Variants in ENTREP2 observed in about 807,000 individuals in gnomAD.
ENTREP2 encodes the protein endosomal transmembrane epsin interactor 2.
the ENTREP2 span, chr15:29,269,044 T>C: frequency 6.2e-7 from 1 of 1,614,122 alleles, no homozygotes; most frequent in Non-Finnish European, 8.5e-7. Context: ...AGTAATGAGT[T>C]TCTTTGGATC....
chr15:29,623,456 G>T, the ENTREP2 span, among the ~76,000 whole-genome samples: 65 of 152,326 alleles, frequency 4.3e-4, 1 homozygote, highest in African/African-American at 1.4e-3. Context: ...TAGACACAGA[G>T]TTAGGTTTTG....
At chr15:29,498,693 CTAATGTTTCCT>C in the ENTREP2 span, among the ~76,000 whole-genome samples, 1 of 152,028 alleles carries the variant, frequency 6.6e-6, no homozygotes, top group East Asian at 1.9e-4. Context: ...AGTGTAAAAT[CTAATGTTTCCT>C]TACTGATTTT....
At chr15:29,443,242 A>AG in the ENTREP2 span, among the ~76,000 whole-genome samples, 2 of 152,138 alleles carry the variant, frequency 1.3e-5, no homozygotes, top group East Asian at 3.9e-4. Context: ...AGCCAAAAGG[A>AG]GGGGCCCTAC....
the ENTREP2 span, among the ~76,000 whole-genome samples, chr15:29,509,319 AT>A: frequency 2.0e-5 from 3 of 152,304 alleles, no homozygotes; most frequent in Admixed American, 2.0e-4. Flanking sequence ...GAAAATGGCC[AT>A]TTTGCCCAAA....
the ENTREP2 span, among the ~76,000 whole-genome samples, chr15:29,464,030 G>GA: frequency 1.3e-5 from 2 of 152,128 alleles, no homozygotes; most frequent in African/African-American, 4.8e-5. Context: ...ATGGAAAGGA[G>GA]AATAGGGGTT....
At chr15:29,175,635 C>T in the ENTREP2 span, among the ~76,000 whole-genome samples, 1 of 152,246 alleles carries the variant, frequency 6.6e-6, no homozygotes, top group Non-Finnish European at 1.5e-5. Flanking sequence ...GACGGAGTCT[C>T]ACTCTGTCAC....
chr15:29,320,256 T>G, the ENTREP2 span, among the ~76,000 whole-genome samples: 2 of 151,928 alleles, frequency 1.3e-5, no homozygotes, highest in Non-Finnish European at 2.9e-5. Flanking sequence ...TACCACAAAT[T>G]ACAGTTGAAG....
At chr15:29,470,261 G>A in the ENTREP2 span, among the ~76,000 whole-genome samples, 1 of 152,212 alleles carries the variant, frequency 6.6e-6, no homozygotes, top group African/African-American at 2.4e-5. Context: ...TTCTATGTGT[G>A]GTTGAGCATC....
At chr15:29,197,207 T>C in the ENTREP2 span, among the ~76,000 whole-genome samples, 6 of 152,110 alleles carry the variant, frequency 3.9e-5, no homozygotes, top group Non-Finnish European at 7.4e-5. Flanking sequence ...TAAAAAGCAG[T>C]GTTAGACGAA....
the ENTREP2 span, among the ~76,000 whole-genome samples, chr15:29,621,070 G>A: frequency 6.6e-6 from 1 of 152,020 alleles, no homozygotes; most frequent in Non-Finnish European, 1.5e-5. Context: ...GAGAAATGGC[G>A]CTGGCAGTAG....
the ENTREP2 span, among the ~76,000 whole-genome samples, chr15:29,280,601 G>A: frequency 6.6e-6 from 1 of 152,124 alleles, no homozygotes; most frequent in Non-Finnish European, 1.5e-5. Context: ...TCAGCACCTG[G>A]GTTATGAAAG....
chr15:29,268,867 G>A, the ENTREP2 span: 7 of 1,614,022 alleles, frequency 4.3e-6, no homozygotes, highest in Admixed American at 3.3e-5. Flanking sequence ...ACAGTACTGC[G>A]CTGGCCAGTC....
the ENTREP2 span, among the ~76,000 whole-genome samples, chr15:29,398,164 T>C: frequency 2.0e-5 from 3 of 148,854 alleles, no homozygotes; most frequent in African/African-American, 7.5e-5. Context: ...CTACTACACA[T>C]ACTAGATATA....
chr15:29,380,416 C>G, the ENTREP2 span, among the ~76,000 whole-genome samples: 117 of 152,202 alleles, frequency 7.7e-4, no homozygotes, highest in Middle Eastern at 3.4e-3. Context: ...CAAGTCTAAT[C>G]ACTTAAAGAG....
chr15:29,317,247 A>T, the ENTREP2 span, among the ~76,000 whole-genome samples: 3 of 152,230 alleles, frequency 2.0e-5, no homozygotes, highest in East Asian at 5.8e-4. Context: ...TATAACTATT[A>T]CCATAAATAA....
chr15:29,477,202 G>A, the ENTREP2 span, among the ~76,000 whole-genome samples: 3 of 152,076 alleles, frequency 2.0e-5, no homozygotes, highest in East Asian at 1.9e-4. Flanking sequence ...TCAAAAGCAA[G>A]AAAAATTAAT....
At chr15:29,364,586 A>T in the ENTREP2 span, among the ~76,000 whole-genome samples, 1 of 152,226 alleles carries the variant, frequency 6.6e-6, no homozygotes, top group Non-Finnish European at 1.5e-5. Flanking sequence ...TGAAAGGCAG[A>T]ACACTTACTC....
At chr15:29,610,650 G>A in the ENTREP2 span, 1 of 150,468 alleles carries the variant, frequency 6.6e-6, no homozygotes, top group Non-Finnish European at 1.5e-5. Context: ...AATAAAGGCA[G>A]AGCTAGCTCC....
At chr15:29,225,603 A>C in the ENTREP2 span, among the ~76,000 whole-genome samples, 1 of 152,180 alleles carries the variant, frequency 6.6e-6, no homozygotes, top group Admixed American at 6.5e-5. Context: ...AATCACAGAA[A>C]AAAACTACCA....
Sources: allele counts gnomAD v4.1 joint callset (sites outside exome capture counted in the v4.1 genomes callset), GRCh38; gene constraint gnomAD v4.1.1; transcripts MANE v1.5; gene names NCBI Gene and HGNC (gene_info 2026-07-23, HGNC 2026-07-21).